The following TSPAN15 variants were observed in gnomAD, a reference collection of about 807,000 sequenced individuals.
The protein encoded by TSPAN15 is tetraspanin 15.
TSPAN15 carries 20 observed loss-of-function variants against 34.5 expected under a neutral mutation model. That is an observed-to-expected ratio of 0.58 (90% confidence interval 0.41 to 0.84). The LOEUF is 0.84. Ranked by LOEUF, TSPAN15 falls within the 40% of genes least tolerant of loss-of-function variation. The pLI is 0.00. For missense variants in TSPAN15, 313 were observed against 386.1 expected (o/e 0.81, Z 1.59); for synonymous variants, 155 against 153.9 (o/e 1.01, Z -0.05).
intron 5 of TSPAN15, among the ~76,000 whole-genome samples, chr10:69,500,414 A>C (rs1480339153): frequency 6.6e-6 from 1 of 152,220 alleles, no homozygotes; most frequent in Non-Finnish European, 1.5e-5. Flanking sequence ...TAATACAGCA[A>C]GAGGAAAGAG....
At chr10:69,504,389 T>C (rs757574842) in intron 5 of TSPAN15, 49 bp from the exon 6 acceptor site, 2 of 1,571,416 alleles carry the variant, frequency 1.3e-6, no homozygotes, top group Non-Finnish European at 1.8e-6. Context: ...TAGTGCCTTT[T>C]TGAGTTAGAA....
chr10:69,506,057 G>T lies in TSPAN15; in HGVS notation c.619-67G>T. 1.5e-6 allele frequency: 2 copies of T among 1,361,090 alleles called. No homozygotes were observed. Among genetic ancestry groups the T allele is most frequent in the Admixed American group, 1.7e-5 (1 of 57,846 alleles). 84.3% of individuals were successfully genotyped at this position (1,361,090 alleles called of 1,614,324 possible). A position where few individuals can be genotyped will look rare whatever the true frequency, so the allele number is the denominator to read the frequency against. On this transcript the variant is annotated intron_variant, in intron 6 of 7. Transcript: ENST00000373290. The surrounding 1 kb of genome is among the most constrained non-coding windows in gnomAD (Gnocchi z 4.7). ...TAGCCTGGACCTTGTGTACATGGCA[G>T]AGTCGGGGCTGTGGCTCCTGCCAGC...
rs1304188779 is a variant in TSPAN15 at position 69,462,170 on chromosome 10, T to TTTTTTTTTTTTTG, written c.96+10491_96+10492insTGTTTTTTTTTTT. Among the ~76,000 whole-genome samples the TTTTTTTTTTTTTG allele has an allele frequency of 6.1e-4, 88 of 145,150 alleles. 3 individuals are homozygous for TTTTTTTTTTTTTG. Among genetic ancestry groups the TTTTTTTTTTTTTG allele is most frequent in the African/African-American group, 2.0e-3 (81 of 39,528 alleles). On this transcript the variant is annotated intron_variant, in intron 1 of 7. Transcript: ENST00000373290. Reference sequence around the variant, plus strand: ...TAATTTTAAAGTTTTTTTTTTTTTTTTTTTTTTTTTTGTAGAAATAGTGTC... The same window carrying TTTTTTTTTTTTTG: ...TAATTTTAAAGTTTTTTTTTTTTTTTTTTTTTTTTTTTGTTTTTTTTTTTGTAGAAATAGTGTC...
chr10:69,459,203 A>C (rs1280779162), intron 1 of TSPAN15, among the ~76,000 whole-genome samples: 3 of 124,750 alleles, frequency 2.4e-5, no homozygotes, highest in Non-Finnish European at 5.6e-5. Context: ...GGAAGGCAGG[A>C]GCATTCAGTC....
chr10:69,518,392 A>G, the TSPAN15 span, among the ~76,000 whole-genome samples: 1 of 151,568 alleles, frequency 6.6e-6, no homozygotes, highest in Non-Finnish European at 1.5e-5. Context: ...GGAAACAGGA[A>G]TAAATAGAAG....
chr10:69,536,027 G>A, the TSPAN15 span, among the ~76,000 whole-genome samples: 27 of 152,322 alleles, frequency 1.8e-4, no homozygotes, highest in African/African-American at 6.0e-4. Flanking sequence ...TAGGAGGGAA[G>A]GCCGGAGGTC....
At position 69,507,591 on chromosome 10, in the gene TSPAN15, C is replaced by A. The variant is rs1182773039; in HGVS notation, c.*613C>A. 1 of 1,303,904 alleles carries A rather than the reference C, an allele frequency of 7.7e-7. No individual in the cohort carries two copies. 80.8% of individuals were successfully genotyped at this position (1,303,904 alleles called of 1,614,324 possible). On this transcript the variant is annotated 3_prime_UTR_variant, in exon 8 of 8. Transcript: ENST00000373290. ...TCTGACTAATCAAAGCTGGTATTTCCCCGCATGTCTTATTCTTGCCCTTCC... is the reference window on the plus strand; with the variant it reads ...TCTGACTAATCAAAGCTGGTATTTCACCGCATGTCTTATTCTTGCCCTTCC...
At chr10:69,459,925 C>CG (rs942977393) in intron 1 of TSPAN15, among the ~76,000 whole-genome samples, 4 of 133,076 alleles carry the variant, frequency 3.0e-5, no homozygotes, top group South Asian at 5.1e-4. Context: ...TAGGCACCCC[C>CG]CCCCCACGAA....
At chr10:69,463,933 T>C (rs1841325970) in intron 1 of TSPAN15, among the ~76,000 whole-genome samples, 1 of 152,240 alleles carries the variant, frequency 6.6e-6, no homozygotes, top group African/African-American at 2.4e-5. Context: ...GAAATCATCT[T>C]AGATGACCTG....
chr10:69,462,155 GT>G lies in TSPAN15; in HGVS notation c.96+10491del, dbSNP rs755068937. Among the ~76,000 whole-genome samples, 658 of 82,690 alleles carry G rather than the reference GT, an allele frequency of 8.0e-3. 3 individuals carry two copies. Among genetic ancestry groups the G allele is most frequent in the African/African-American group, 0.026 (569 of 22,132 alleles). 54.2% of individuals were successfully genotyped at this position (82,690 alleles called of 152,430 possible). A position where few individuals can be genotyped will look rare whatever the true frequency, so the allele number is the denominator to read the frequency against. On this transcript the variant is annotated intron_variant, in intron 1 of 7. Transcript: ENST00000373290. ...GCCACCATACCTGGCTAATTTTAAA[GT>G]TTTTTTTTTTTTTTTTTTTTTTTTT...
At chr10:69,524,907 A>G in the TSPAN15 span, among the ~76,000 whole-genome samples, 2 of 147,242 alleles carry the variant, frequency 1.4e-5, 1 homozygote, top group East Asian at 5.0e-4. Flanking sequence ...CAGCCTCCCA[A>G]GTACCTGGGA....
the TSPAN15 span, among the ~76,000 whole-genome samples, chr10:69,541,044 A>G: frequency 1.5e-3 from 232 of 152,206 alleles, no homozygotes; most frequent in Non-Finnish European, 2.4e-3. Flanking sequence ...TGCCAGGTGA[A>G]TTTTCCTCAG....
chr10:69,455,625 T>TCTCTCC lies in TSPAN15; in HGVS notation c.96+3936_96+3937insTCTCCC, dbSNP rs1554830569. ...CTTTCTTTCTCTCTCTCTCTCTCTC[T>TCTCTCC]CCCCCCCCCGTCTCTTTCTTTCTTC... On this transcript the variant is annotated intron_variant, in intron 1 of 7. Coordinates refer to ENST00000373290, the MANE Select transcript of TSPAN15 (RefSeq NM_012339.5). 1.3e-3 allele frequency among the ~76,000 whole-genome samples: 110 copies of TCTCTCC among 82,880 alleles called. 1 individual carries two copies. The highest frequency in any genetic ancestry group is 4.8e-3 in the African/African-American group (97 of 20,308). The allele number at this position is 82,880 out of a possible 152,430, so 54.4% of individuals were successfully genotyped here. A position where few individuals can be genotyped will look rare whatever the true frequency, so the allele number is the denominator to read the frequency against.
chr10:69,530,840 A>C, the TSPAN15 span, among the ~76,000 whole-genome samples: 170 of 122,446 alleles, frequency 1.4e-3, 1 homozygote, highest in African/African-American at 3.1e-3. Flanking sequence ...ATATATATAT[A>C]TATATATATA....
chr10:69,539,473 A>AAGAAGG, the TSPAN15 span, among the ~76,000 whole-genome samples: 3 of 61,632 alleles, frequency 4.9e-5, no homozygotes, highest in African/African-American at 1.8e-4. Context: ...GGAGAAGGAG[A>AAGAAGG]AGGAGAAGGA....
the TSPAN15 span, among the ~76,000 whole-genome samples, chr10:69,513,449 T>C: frequency 1.3e-5 from 2 of 152,166 alleles, no homozygotes; most frequent in African/African-American, 4.8e-5. Flanking sequence ...GCTCAGGATC[T>C]TCCCACCTCA....
At chr10:69,477,490 G>T (rs1225941435) in intron 1 of TSPAN15, among the ~76,000 whole-genome samples, 2 of 152,176 alleles carry the variant, frequency 1.3e-5, no homozygotes, top group Non-Finnish European at 1.5e-5. Flanking sequence ...AGCGAGAGAT[G>T]CTCTAGACTT....
the TSPAN15 span, among the ~76,000 whole-genome samples, chr10:69,520,917 G>C: frequency 1.3e-5 from 2 of 151,916 alleles, no homozygotes; most frequent in Non-Finnish European, 2.9e-5. Context: ...CATAGTGGTT[G>C]CACTGTTTTA....
At chr10:69,523,438 A>G in the TSPAN15 span, 1 of 563,108 alleles carries the variant, frequency 1.8e-6, no homozygotes, top group Non-Finnish European at 3.3e-6. Context: ...TCCAGAGGCT[A>G]GCAGTAACCT....
Sources: allele counts gnomAD v4.1 joint callset (sites outside exome capture counted in the v4.1 genomes callset), GRCh38; gene constraint gnomAD v4.1.1; non-coding constraint Gnocchi (gnomAD v3.1); transcripts MANE v1.5; gene names NCBI Gene and HGNC (gene_info 2026-07-23, HGNC 2026-07-21).